SLC2A13: variants seen among roughly 807,000 people sequenced by gnomAD.
SLC2A13 encodes proton myo-inositol cotransporter.
In SLC2A13, 32 loss-of-function variants were observed where a neutral mutation model predicts 64.4. The ratio of observed to expected loss-of-function variants is 0.50; its 90% CI spans 0.37 to 0.67. SLC2A13 has a LOEUF of 0.67. Among genes scored for constraint, SLC2A13 ranks in the 30% least tolerant of loss-of-function variants. The pLI, the probability that SLC2A13 is intolerant of heterozygous loss-of-function variation, is 0.00. For missense variants in SLC2A13, 743 were observed against 829.2 expected, an observed-to-expected ratio of 0.90 and a Z score of 1.28; for synonymous variants, 338 against 327.1, an observed-to-expected ratio of 1.03 and a Z score of -0.36.
chr12:39,929,438 C>G (rs2136069054), intron 4 of SLC2A13, among the ~76,000 whole-genome samples: 1 of 151,848 alleles, frequency 6.6e-6, no homozygotes, highest in East Asian at 2.0e-4. Flanking sequence ...GTAATCCCAG[C>G]TACTCAGGAG....
chr12:39,988,283 T>C (rs1366227577), intron 3 of SLC2A13, among the ~76,000 whole-genome samples: 1 of 152,154 alleles, frequency 6.6e-6, no homozygotes, highest in African/African-American at 2.4e-5. Context: ...CATTTTTTCA[T>C]ACTTTGGCAC....
intron 3 of SLC2A13, among the ~76,000 whole-genome samples, chr12:40,026,271 C>T (rs1947804257): frequency 1.3e-5 from 2 of 152,146 alleles, no homozygotes; most frequent in Admixed American, 6.5e-5. Context: ...CATGAGCAAA[C>T]GTTATTAGGA....
intron 6 of SLC2A13, 182 bp from the exon 7 acceptor site, chr12:39,830,410 G>A (rs1463962888): frequency 9.1e-6 from 12 of 1,322,502 alleles, no homozygotes; most frequent in South Asian, 4.1e-5. Context: ...TGGTCTCTTC[G>A]ATTTCTCCCT....
chr12:40,020,470 T>G (rs544239719), intron 3 of SLC2A13, among the ~76,000 whole-genome samples: 1 of 152,338 alleles, frequency 6.6e-6, no homozygotes, highest in East Asian at 1.9e-4. Flanking sequence ...ATTCTGAATT[T>G]CCTGAGGCCT....
chr12:40,092,112 T>C (rs181012051), intron 1 of SLC2A13, among the ~76,000 whole-genome samples: 472 of 152,262 alleles, frequency 3.1e-3, no homozygotes, highest in Non-Finnish European at 3.9e-3. Flanking sequence ...GAGAGAGGTA[T>C]AATAAGGTCT....
chr12:40,043,492 T>TATAC (rs1373327843), intron 2 of SLC2A13, among the ~76,000 whole-genome samples: 15 of 151,932 alleles, frequency 9.9e-5, no homozygotes, highest in African/African-American at 3.6e-4. Context: ...ACTATATATA[T>TATAC]ATATATGCTT....
chr12:40,105,378 A>ACGCCGT lies in SLC2A13; in HGVS notation c.425_430dup (p.Gly143_Val144insAspGly). The ACGCCGT allele has an allele frequency of 6.4e-7, 1 of 1,569,992 alleles. No homozygotes were observed. Among genetic ancestry groups the ACGCCGT allele is most frequent in the Non-Finnish European group, 8.6e-7 (1 of 1,158,502 alleles). On this transcript the variant is annotated inframe_insertion, in exon 1 of 10. Coordinates refer to ENST00000280871, the MANE Select transcript of SLC2A13 (RefSeq NM_052885.4). This position sits in a 1 kb window ranked among gnomAD's most constrained non-coding sequence, Gnocchi z 4.2. Reference sequence around the variant, plus strand: ...GAGGATGGCAGCGCGGCGGCCGAAGACGCCGTTGAGGGCGCCTCCGGCCAG... The same window carrying ACGCCGT: ...GAGGATGGCAGCGCGGCGGCCGAAGACGCCGTCGCCGTTGAGGGCGCCTCCGGCCAG...
At chr12:39,993,925 C>T (rs1317145936) in intron 3 of SLC2A13, among the ~76,000 whole-genome samples, 2 of 151,984 alleles carry the variant, frequency 1.3e-5, no homozygotes, top group African/African-American at 4.8e-5. Context: ...AAGCAAGGAG[C>T]AAAGGAAACA....
chr12:40,014,157 A>G (rs989681117), intron 3 of SLC2A13, among the ~76,000 whole-genome samples: 2 of 152,222 alleles, frequency 1.3e-5, no homozygotes, highest in African/African-American at 4.8e-5. Flanking sequence ...AAGTAGTAAA[A>G]GCCCCAGAAA....
chr12:40,093,519 C>T (rs560232450), intron 1 of SLC2A13, among the ~76,000 whole-genome samples: 2 of 152,242 alleles, frequency 1.3e-5, no homozygotes, highest in South Asian at 4.1e-4. Flanking sequence ...AGTAACACAA[C>T]CATTAAGTGT....
At chr12:39,935,409 C>T (rs1206124647) in intron 4 of SLC2A13, among the ~76,000 whole-genome samples, 1 of 152,128 alleles carries the variant, frequency 6.6e-6, no homozygotes, top group Non-Finnish European at 1.5e-5. Context: ...TTCCTAAGGT[C>T]ATGTCTGCAG....
intron 3 of SLC2A13, among the ~76,000 whole-genome samples, chr12:39,989,584 T>C (rs1286056609): frequency 1.3e-5 from 2 of 152,176 alleles, no homozygotes; most frequent in Non-Finnish European, 2.9e-5. Flanking sequence ...CTGGCTGGGT[T>C]ATGGAGAATG....
intron 4 of SLC2A13, among the ~76,000 whole-genome samples, chr12:39,947,147 A>G (rs1001752297): frequency 1.3e-5 from 2 of 152,228 alleles, no homozygotes; most frequent in Admixed American, 1.3e-4. Flanking sequence ...AAGAAGAGGA[A>G]ATAAAGCTGG....
At chr12:39,984,743 G>A (rs1017015397) in intron 3 of SLC2A13, among the ~76,000 whole-genome samples, 1 of 152,036 alleles carries the variant, frequency 6.6e-6, no homozygotes, top group Admixed American at 6.6e-5. Context: ...GCTAATGTCC[G>A]TCTTGATGAA....
At chr12:39,805,610 T>A (rs952306816) in intron 7 of SLC2A13, among the ~76,000 whole-genome samples, 3 of 152,146 alleles carry the variant, frequency 2.0e-5, no homozygotes, top group East Asian at 3.8e-4. Context: ...CAGTATTTTT[T>A]AAAAGGTTTG....
At chr12:40,090,172 A>G (rs977024710) in intron 1 of SLC2A13, among the ~76,000 whole-genome samples, 1 of 152,200 alleles carries the variant, frequency 6.6e-6, no homozygotes, top group Non-Finnish European at 1.5e-5. Flanking sequence ...AAGGAAAAAC[A>G]AAAGAGATTA....
chr12:39,995,253 T>C (rs7970812), intron 3 of SLC2A13, among the ~76,000 whole-genome samples: 50,562 of 152,112 alleles, frequency 0.33, 8,502 homozygotes, highest in African/African-American at 0.36. Context: ...AGGATATCCA[T>C]CACCTTAAAC....
At position 40,028,303 on chromosome 12, in the gene SLC2A13, G is replaced by A. The variant is rs149887227; in HGVS notation, c.923C>T (p.Ser308Leu). 9.9e-6 allele frequency: 16 copies of A among 1,612,888 alleles called. No individual in the cohort carries two copies. Among genetic ancestry groups the A allele is most frequent in the Non-Finnish European group, 1.4e-5 (16 of 1,179,550 alleles). Residue 308 changes from serine (S) to leucine (L), a missense_variant and splice_region_variant, in exon 3 of 10, where the codon TCA (serine) becomes TTA (leucine). Around this residue, in one of 2 missense-constraint regions of SLC2A13, gnomAD observed 448 missense variants for 447.4 expected, o/e 1.00. Coordinates refer to ENST00000280871, the MANE Select transcript of SLC2A13 (RefSeq NM_052885.4). ...ATATAAGTATAAAGTCTATATACCT[G>A]AGCCAACCTCTTTTTCCTCCTCTTC... Reference protein sequence around the residue: ...NIEEEEKEVGSAGPVICRMLS... With the variant: ...NIEEEEKEVGLAGPVICRMLS...
chr12:39,860,987 T>G (rs1383480136), intron 6 of SLC2A13, among the ~76,000 whole-genome samples: 2 of 152,214 alleles, frequency 1.3e-5, no homozygotes, highest in African/African-American at 4.8e-5. Context: ...CCTCTGAGGC[T>G]CTACATGATT....
Sources: allele counts gnomAD v4.1 joint callset (sites outside exome capture counted in the v4.1 genomes callset), GRCh38; gene constraint gnomAD v4.1.1; regional missense constraint gnomAD v4.1.1; non-coding constraint Gnocchi (gnomAD v3.1); transcripts MANE v1.5; gene names NCBI Gene and HGNC (gene_info 2026-07-23, HGNC 2026-07-21).